CCDC148: variants seen among roughly 807,000 people sequenced by gnomAD.
CCDC148 encodes the protein coiled-coil domain-containing protein 148.
A neutral mutation model predicts 85.7 loss-of-function variants in CCDC148; 89 were observed. The ratio of observed to expected loss-of-function variants is 1.04; its 90% CI spans 0.87 to 1.24. The LOEUF is 1.24. CCDC148 is among the 50% of genes most tolerant of loss of function. The pLI, the probability that CCDC148 is intolerant of heterozygous loss-of-function variation, is 0.00. For synonymous variants in CCDC148, 230 were observed against 213.9 expected, an observed-to-expected ratio of 1.08 and a Z score of -0.66; for missense variants, 692 against 671.7, an observed-to-expected ratio of 1.03 and a Z score of -0.33.
intron 1 of CCDC148, among the ~76,000 whole-genome samples, chr2:158,434,256 C>T (rs927790558): frequency 1.3e-5 from 2 of 152,096 alleles, no homozygotes; most frequent in African/African-American, 4.8e-5. Context: ...AGCCAGGTGC[C>T]CCTCTGAGAC....
rs547184014 is a variant in CCDC148, at chr2:158,312,711, G to A, written c.903+1045C>T. Reference sequence around the variant, plus strand: ...CACAGAAGCAACTAGAATCAATAGGGAACAAAAGGAAAGATCTAATTTAAT... The same window carrying A: ...CACAGAAGCAACTAGAATCAATAGGAAACAAAAGGAAAGATCTAATTTAAT... On this transcript the variant is annotated intron_variant, in intron 8 of 13. Coordinates refer to ENST00000283233, the MANE Select transcript of CCDC148 (RefSeq NM_138803.4). Among the ~76,000 whole-genome samples the A allele has an allele frequency of 5.9e-4, 90 of 151,968 alleles. 1 individual carries two copies. The South Asian group carries it at 0.016, about 28-fold the overall frequency.
chr2:158,267,803 A>G (rs1689534499), intron 9 of CCDC148, among the ~76,000 whole-genome samples: 1 of 152,058 alleles, frequency 6.6e-6, no homozygotes, highest in Non-Finnish European at 1.5e-5. Flanking sequence ...CTGTCCCTAT[A>G]GTTTTGCCTT....
In CCDC148 at chr2:158,237,796, C is replaced by G. The variant is rs545728110; in HGVS notation, c.1251+12976G>C. Among the ~76,000 whole-genome samples the G allele has an allele frequency of 1.4e-4, 22 of 152,176 alleles. No individual in the cohort carries two copies. In the East Asian group the frequency reaches 4.3e-3, roughly 29 times the overall value. On this transcript the variant is annotated intron_variant, in intron 10 of 13. Transcript: ENST00000283233. ...AGAGTACACATACTGAGAGGACTGA[C>G]CCCCACCCTGCCACCCCAGGAGACT...
intron 9 of CCDC148, among the ~76,000 whole-genome samples, chr2:158,260,951 T>G (rs997428522): frequency 6.6e-6 from 1 of 152,012 alleles, no homozygotes; most frequent in Non-Finnish European, 1.5e-5. Context: ...CAGAGCAATT[T>G]ACAGATGCCA....
intron 8 of CCDC148, 69 bp downstream of exon 8, chr2:158,313,687 C>A: frequency 7.1e-7 from 1 of 1,411,378 alleles, no homozygotes; most frequent in Non-Finnish European, 9.6e-7. Context: ...AATACATGTA[C>A]ATTGCTTAAT....
intron 1 of CCDC148, among the ~76,000 whole-genome samples, chr2:158,359,009 C>G (rs886902103): frequency 6.6e-6 from 1 of 151,842 alleles, no homozygotes; most frequent in Non-Finnish European, 1.5e-5. Context: ...TTAGAAAAAT[C>G]TAAATAATTT....
Position 158,456,500 on chromosome 2 carries a change from A to G in CCDC148, c.-61T>C. The G allele has an allele frequency of 6.3e-7, 1 of 1,580,692 alleles. No individual in the cohort carries two copies. The highest frequency in any genetic ancestry group is 8.6e-7 in the Non-Finnish European group (1 of 1,163,664). ...CAAACGCAGGAAAAGTGAAACGCCC[A>G]CTCCTGGGCTCTCGCCGTCAGGGGT... On this transcript the variant is annotated 5_prime_UTR_variant, in exon 1 of 14. Coordinates refer to ENST00000283233, the MANE Select transcript of CCDC148 (RefSeq NM_138803.4).
At chr2:158,215,482 C>T (rs796359602) in intron 11 of CCDC148, among the ~76,000 whole-genome samples, 10 of 152,048 alleles carry the variant, frequency 6.6e-5, no homozygotes, top group African/African-American at 2.4e-4. Flanking sequence ...CGTAATTTGT[C>T]CACTTGTAGT....
chr2:158,250,990 C>G, intron 9 of CCDC148, 78 bp from the exon 10 acceptor site: 1 of 1,291,740 alleles, frequency 7.7e-7, no homozygotes, highest in Admixed American at 2.4e-5. Context: ...AGACTAGGCT[C>G]TATATCAAGC....
At chr2:158,377,075 C>T (rs957289178) in intron 1 of CCDC148, among the ~76,000 whole-genome samples, 23 of 151,904 alleles carry the variant, frequency 1.5e-4, no homozygotes, top group African/African-American at 4.4e-4. Context: ...AAGGAGGGGA[C>T]GATTCTCCAC....
intron 10 of CCDC148, among the ~76,000 whole-genome samples, chr2:158,233,018 G>A (rs193287681): frequency 2.6e-5 from 4 of 152,118 alleles, no homozygotes; most frequent in Admixed American, 6.5e-5. Context: ...GAGAATATTC[G>A]GAATGTTTCC....
intron 9 of CCDC148, among the ~76,000 whole-genome samples, chr2:158,262,535 A>G (rs919416336): frequency 1.3e-5 from 2 of 152,000 alleles, no homozygotes; most frequent in South Asian, 4.2e-4. Context: ...ATAAAGAACT[A>G]CCTGAGACTG....
At chr2:158,419,764 T>C (rs929559704) in intron 1 of CCDC148, among the ~76,000 whole-genome samples, 2 of 152,258 alleles carry the variant, frequency 1.3e-5, no homozygotes, top group South Asian at 2.1e-4. Flanking sequence ...TACAAGCCCA[T>C]TTCCCTCATT....
intron 9 of CCDC148, among the ~76,000 whole-genome samples, chr2:158,282,363 G>T (rs904778798): frequency 1.3e-5 from 2 of 152,164 alleles, no homozygotes; most frequent in African/African-American, 4.8e-5. Flanking sequence ...TGACATGATT[G>T]TATATCTAGA....
intron 1 of CCDC148, among the ~76,000 whole-genome samples, chr2:158,380,231 T>C (rs1360381595): frequency 1.3e-5 from 2 of 152,132 alleles, no homozygotes; most frequent in Non-Finnish European, 2.9e-5. Context: ...GAAATGACTT[T>C]AAAATTAGTG....
At chr2:158,442,405 A>G (rs540951889) in intron 1 of CCDC148, among the ~76,000 whole-genome samples, 3 of 152,352 alleles carry the variant, frequency 2.0e-5, no homozygotes, top group South Asian at 4.1e-4. Context: ...GTCTTAGAGC[A>G]TAATAATTAT....
rs574876674 is a variant in CCDC148, at chr2:158,262,051, G to C, written c.1111-11139C>G. ...ATATAAATCATTCCACCATAAAAAAGACGTGCATGCAAATGTTCATTGCAG... is the reference window on the plus strand; with the variant it reads ...ATATAAATCATTCCACCATAAAAAACACGTGCATGCAAATGTTCATTGCAG... On this transcript the variant is annotated intron_variant, in intron 9 of 13. Coordinates refer to ENST00000283233, the MANE Select transcript of CCDC148 (RefSeq NM_138803.4). 7.9e-5 allele frequency among the ~76,000 whole-genome samples: 12 copies of C among 152,056 alleles called. No individual in the cohort carries two copies. The East Asian group carries it at 2.1e-3, about 27-fold the overall frequency.
intron 1 of CCDC148, among the ~76,000 whole-genome samples, chr2:158,391,763 T>C (rs917337026): frequency 3.3e-5 from 5 of 152,188 alleles, no homozygotes; most frequent in African/African-American, 7.2e-5. Flanking sequence ...GTAAGTAAAG[T>C]TGTAATCATT....
chr2:158,232,166 C>G (rs1002534021), intron 10 of CCDC148, among the ~76,000 whole-genome samples: 1 of 152,164 alleles, frequency 6.6e-6, no homozygotes, highest in East Asian at 1.9e-4. Context: ...TATCCCCTAT[C>G]TCCTCTTACT....
Sources: gnomAD v4.1 joint callset for allele counts (sites outside exome capture counted in the v4.1 genomes callset) on GRCh38, gnomAD v4.1.1 for gene constraint, MANE v1.5 for transcripts, NCBI Gene and HGNC (gene_info 2026-07-23, HGNC 2026-07-21) for gene names.